ZMYND8: variants seen among roughly 807,000 people sequenced by gnomAD.
The protein encoded by ZMYND8 is MYND-type zinc finger-containing chromatin reader ZMYND8.
A neutral mutation model predicts 140.8 loss-of-function variants in ZMYND8; 37 were observed. The observed-to-expected ratio is 0.26, with a 90% CI of 0.20 to 0.35. The LOEUF (loss-of-function observed/expected upper bound fraction) is 0.35, where lower values mean the gene tolerates loss of function less well. Ranked by LOEUF, ZMYND8 falls within the 10% of genes least tolerant of loss-of-function variation. The pLI is 1.00. For missense variants in ZMYND8, 1,068 were observed against 1,570.0 expected, an observed-to-expected ratio of 0.68 and a Z score of 5.40; for synonymous variants, 592 against 597.1, an observed-to-expected ratio of 0.99 and a Z score of 0.12.
At chr20:47,264,420 G>C (rs986920748) in intron 11 of ZMYND8, among the ~76,000 whole-genome samples, 2 of 152,006 alleles carry the variant, frequency 1.3e-5, no homozygotes, top group African/African-American at 2.4e-5. Flanking sequence ...AGAACTTCAG[G>C]CTCCTGCTAT....
chr20:47,334,605 A>AAAATATAT (rs773739583), intron 2 of ZMYND8, among the ~76,000 whole-genome samples: 2 of 141,704 alleles, frequency 1.4e-5, no homozygotes, highest in Admixed American at 7.1e-5. Flanking sequence ...GAAAAAAAAA[A>AAAATATAT]ATATATATAT....
chr20:47,243,232 A>C (rs1053047571), intron 14 of ZMYND8, among the ~76,000 whole-genome samples: 1 of 152,234 alleles, frequency 6.6e-6, no homozygotes, highest in Non-Finnish European at 1.5e-5. Flanking sequence ...CCCTTCACTT[A>C]CTAAACTCTT....
intron 12 of ZMYND8, among the ~76,000 whole-genome samples, chr20:47,259,550 T>A (rs41496345): frequency 0.13 from 19,413 of 152,132 alleles, 1,385 homozygotes; most frequent in South Asian, 0.27. Context: ...GAATTCACAC[T>A]TAAGCGTCAC....
intron 14 of ZMYND8, among the ~76,000 whole-genome samples, chr20:47,243,823 C>G (rs889449428): frequency 1.3e-5 from 2 of 152,228 alleles, no homozygotes; most frequent in African/African-American, 4.8e-5. Flanking sequence ...CTGCCATCTG[C>G]ACCCAAATAT....
intron 2 of ZMYND8, among the ~76,000 whole-genome samples, chr20:47,328,429 A>C (rs1327120993): frequency 6.6e-6 from 1 of 152,152 alleles, no homozygotes; most frequent in Non-Finnish European, 1.5e-5. Context: ...TTTGAAAGGA[A>C]AATCCAATAA....
At chr20:47,233,545 G>A (rs1002033596) in intron 16 of ZMYND8, among the ~76,000 whole-genome samples, 5 of 152,102 alleles carry the variant, frequency 3.3e-5, no homozygotes, top group Non-Finnish European at 7.3e-5. Flanking sequence ...AAGTCATGTG[G>A]CAACAGTTTG....
At chr20:47,329,667 G>C (rs2080768776) in intron 2 of ZMYND8, among the ~76,000 whole-genome samples, 1 of 152,130 alleles carries the variant, frequency 6.6e-6, no homozygotes, top group Admixed American at 6.5e-5. Flanking sequence ...CCCTCCCAAA[G>C]TGCTGGGATT....
At position 47,283,928 on chromosome 20, in the gene ZMYND8, ATTTT is replaced by A. The variant is rs879846562; in HGVS notation, c.805-284_805-281del. Among the ~76,000 whole-genome samples, 8 of 140,008 alleles carry A rather than the reference ATTTT, an allele frequency of 5.7e-5. No individual in the cohort carries two copies. In the South Asian group the frequency reaches 1.8e-3, roughly 32 times the overall value. The allele number at this position is 140,008 out of a possible 152,430, so 91.9% of individuals were successfully genotyped here. On this transcript the variant is annotated intron_variant, in intron 8 of 22. Transcript: ENST00000471951. ...TCCCTGCAGAGCAGCCACAGCCACC[ATTTT>A]TTTTTTTTCCTCCAGAGTCTCACTC...
At chr20:47,269,517 GAACT>G (rs1322581958) in intron 11 of ZMYND8, among the ~76,000 whole-genome samples, 1 of 152,220 alleles carries the variant, frequency 6.6e-6, no homozygotes, top group Non-Finnish European at 1.5e-5. Flanking sequence ...CCCAAAGGAA[GAACT>G]AATTGCCTCT....
At chr20:47,334,574 C>G (rs6094663) in intron 2 of ZMYND8, among the ~76,000 whole-genome samples, 38,790 of 148,772 alleles carry the variant, frequency 0.26, 9,068 homozygotes, top group African/African-American at 0.63. Flanking sequence ...ACTGATTGTG[C>G]TGTTGGCTGC....
chr20:47,232,518 C>T (rs183595726), intron 16 of ZMYND8, among the ~76,000 whole-genome samples: 271 of 151,260 alleles, frequency 1.8e-3, no homozygotes, highest in Non-Finnish European at 3.0e-3. Flanking sequence ...GGTTAGACCC[C>T]AACTCTAAAA....
At chr20:47,225,661 A>G (rs761119834) in intron 18 of ZMYND8, among the ~76,000 whole-genome samples, 13 of 147,608 alleles carry the variant, frequency 8.8e-5, no homozygotes, top group Admixed American at 4.1e-4. Flanking sequence ...TTTATAAAGT[A>G]AAATTAACCC....
intron 2 of ZMYND8, among the ~76,000 whole-genome samples, chr20:47,317,392 C>A (rs1015579628): frequency 6.6e-6 from 1 of 152,064 alleles, no homozygotes; most frequent in Admixed American, 6.6e-5. Context: ...ATCAGGTACC[C>A]GCCCTCCACC....
At chr20:47,338,391 C>T (rs1240330899) in intron 2 of ZMYND8, among the ~76,000 whole-genome samples, 3 of 151,738 alleles carry the variant, frequency 2.0e-5, no homozygotes, top group Non-Finnish European at 2.9e-5. Context: ...CACAGGGGAA[C>T]AGAGTCCCTA....
chr20:47,354,905 G>A (rs1226326030), intron 1 of ZMYND8, among the ~76,000 whole-genome samples: 2 of 152,188 alleles, frequency 1.3e-5, no homozygotes, highest in Admixed American at 1.3e-4. Flanking sequence ...ATACAGATGT[G>A]TGGAGGAGAC....
At chr20:47,249,257 T>TG (rs2073975470) in intron 13 of ZMYND8, 30 bp downstream of exon 13, 2 of 1,603,046 alleles carry the variant, frequency 1.2e-6, no homozygotes, top group East Asian at 2.2e-5. Flanking sequence ...ATGATACTGC[T>TG]GGAAAAAAAA....
At chr20:47,293,635 A>G (rs1354130530) in intron 5 of ZMYND8, among the ~76,000 whole-genome samples, 2 of 152,228 alleles carry the variant, frequency 1.3e-5, no homozygotes, top group Non-Finnish European at 2.9e-5. Flanking sequence ...TTCCTCATTG[A>G]AATGGATTTT....
chr20:47,343,957 CTTTTTTTTT>C (rs750832298), intron 2 of ZMYND8, among the ~76,000 whole-genome samples: 1 of 119,962 alleles, frequency 8.3e-6, no homozygotes, highest in African/African-American at 3.3e-5. Context: ...AGTGATAAAT[CTTTTTTTTT>C]TTTTTTTTTT....
chr20:47,221,188 A>G, intron 20 of ZMYND8, 126 bp downstream of exon 20: 1 of 1,318,426 alleles, frequency 7.6e-7, no homozygotes, highest in Non-Finnish European at 1.0e-6. Context: ...TCCACTGGAA[A>G]TGCCGGCACA....
Sources: allele counts gnomAD v4.1 joint callset (sites outside exome capture counted in the v4.1 genomes callset), GRCh38; gene constraint gnomAD v4.1.1; transcripts MANE v1.5; gene names NCBI Gene and HGNC (gene_info 2026-07-23, HGNC 2026-07-21).